The following COL22A1 variants were observed in gnomAD, a reference collection of about 807,000 sequenced individuals.
COL22A1 encodes the protein collagen alpha-1(XXII) chain.
In COL22A1, 221 loss-of-function variants were observed where a neutral mutation model predicts 248.9. That is an observed-to-expected ratio of 0.89 (90% confidence interval 0.80 to 0.99). The LOEUF (loss-of-function observed/expected upper bound fraction) is 0.99, where lower values mean the gene tolerates loss of function less well. Ranked by LOEUF, COL22A1 falls within the 50% of genes least tolerant of loss-of-function variation. The pLI is 0.00. For synonymous variants in COL22A1, 891 were observed against 793.4 expected, an observed-to-expected ratio of 1.12 and a Z score of -2.07; for missense variants, 2,240 against 2,179.0, an observed-to-expected ratio of 1.03 and a Z score of -0.56.
chr8:138,727,920 T>C (rs1455072093), intron 23 of COL22A1, among the ~76,000 whole-genome samples: 1 of 152,050 alleles, frequency 6.6e-6, no homozygotes, highest in Non-Finnish European at 1.5e-5. Flanking sequence ...CCTTACTACC[T>C]CCACAGACTG....
intron 1 of COL22A1, among the ~76,000 whole-genome samples, chr8:138,906,711 G>A (rs891673144): frequency 1.3e-5 from 2 of 150,992 alleles, no homozygotes; most frequent in Non-Finnish European, 2.9e-5. Context: ...GGAGTGCAAC[G>A]GTGTGATCTC....
intron 39 of COL22A1, among the ~76,000 whole-genome samples, chr8:138,683,888 C>T (rs1159842565): frequency 1.3e-5 from 2 of 152,130 alleles, no homozygotes; most frequent in Non-Finnish European, 2.9e-5. Flanking sequence ...TGTCTCCCAC[C>T]ACTTCATTTA....
intron 1 of COL22A1, among the ~76,000 whole-genome samples, chr8:138,885,568 A>G (rs34230351): frequency 0.13 from 19,075 of 151,620 alleles, 1,466 homozygotes; most frequent in African/African-American, 0.2. Flanking sequence ...CGTATCACAC[A>G]GTTTTTTTTG....
intron 9 of COL22A1, among the ~76,000 whole-genome samples, chr8:138,811,558 TGGGAAGCCTG>T (rs1818227644): frequency 6.6e-6 from 1 of 152,038 alleles, no homozygotes; most frequent in African/African-American, 2.4e-5. Flanking sequence ...AGGAGTAACC[TGGGAAGCCTG>T]GGGAACGCAC....
At position 138,720,738 on chromosome 8, in the gene COL22A1, C is replaced by A. The variant is rs754973282; in HGVS notation, c.2355+1G>T. The A allele has an allele frequency of 1.9e-6, 3 of 1,613,290 alleles. No individual in the cohort carries two copies. The highest frequency in any genetic ancestry group is 2.5e-6 in the Non-Finnish European group (3 of 1,179,254). Reference sequence around the variant, plus strand: ...ATGGGAAAAAGAGGCAAAGTCCATACCCGAAGGCCTGGTTTTCCAGGCAGA... The same window carrying A: ...ATGGGAAAAAGAGGCAAAGTCCATAACCGAAGGCCTGGTTTTCCAGGCAGA... On this transcript the variant is annotated splice_donor_variant, in intron 27 of 64. Transcript: ENST00000303045. LOFTEE classifies it high-confidence loss of function.
intron 12 of COL22A1, among the ~76,000 whole-genome samples, chr8:138,786,558 C>T (rs1371690896): frequency 6.6e-6 from 1 of 152,152 alleles, no homozygotes; most frequent in Non-Finnish European, 1.5e-5. Context: ...TTGTGATAGA[C>T]CTTCCAAAAT....
rs570238795 is a variant in COL22A1, at chr8:138,715,493, C to T, written c.2517+189G>A. Among the ~76,000 whole-genome samples the T allele has an allele frequency of 1.0e-3, 150 of 150,168 alleles. 1 individual carries two copies. The highest frequency in any genetic ancestry group is 1.5e-3 in the Non-Finnish European group (99 of 67,812). On this transcript the variant is annotated intron_variant, in intron 30 of 64. Coordinates refer to ENST00000303045, the MANE Select transcript of COL22A1 (RefSeq NM_152888.3). ...CTGAGGCACTAGAATGGCTTGAACC[C>T]AGGAGGCAGAGGTTGCAGTGAGACG...
intron 62 of COL22A1, among the ~76,000 whole-genome samples, chr8:138,595,129 G>A (rs912357103): frequency 2.0e-4 from 30 of 152,220 alleles, no homozygotes; most frequent in African/African-American, 5.8e-4. Flanking sequence ...GGCCCCCGGC[G>A]TTTGATAGGG....
At position 138,591,190 on chromosome 8, in the gene COL22A1, G is replaced by A. The variant is rs140270238; in HGVS notation, c.4693+234C>T. ...GACCATTTCATGAAATTTTAAACTC[G>A]CGGGATACACTTCAACAATTCATAG... On this transcript the variant is annotated intron_variant, in intron 64 of 64. Coordinates refer to ENST00000303045, the MANE Select transcript of COL22A1 (RefSeq NM_152888.3). Among the ~76,000 whole-genome samples the A allele has an allele frequency of 1.4e-3, 208 of 152,090 alleles. 1 individual carries two copies. Among genetic ancestry groups the A allele is most frequent in the African/African-American group, 4.4e-3 (184 of 41,472 alleles).
At position 138,703,505 on chromosome 8, in the gene COL22A1, T is replaced by G. The variant is rs531349116; in HGVS notation, c.2518-158A>C. 2.0e-3 allele frequency among the ~76,000 whole-genome samples: 307 copies of G among 152,316 alleles called. 1 individual carries two copies. The highest frequency in any genetic ancestry group is 7.2e-3 in the African/African-American group (298 of 41,578). On this transcript the variant is annotated intron_variant, in intron 30 of 64. Coordinates refer to ENST00000303045, the MANE Select transcript of COL22A1 (RefSeq NM_152888.3). ...CCCTGCACCTACCTTGATAGATACA[T>G]ACATACATAATTACATATGTACATT...
intron 18 of COL22A1, among the ~76,000 whole-genome samples, chr8:138,756,902 T>C (rs2131370258): frequency 6.6e-6 from 1 of 152,318 alleles, no homozygotes; most frequent in Middle Eastern, 3.4e-3. Context: ...TCCCGATCCA[T>C]CATGTTTTAT....
intron 18 of COL22A1, among the ~76,000 whole-genome samples, chr8:138,758,931 TAG>T (rs1833237786): frequency 6.6e-6 from 1 of 152,102 alleles, no homozygotes; most frequent in African/African-American, 2.4e-5. Context: ...CAGCAAGAAA[TAG>T]AGTCATCACC....
Position 138,802,940 on chromosome 8 carries a change from G to A in COL22A1, c.1495-6C>T, listed in dbSNP as rs753464313. ...CCAATGGCTCCTATGTCTCCCTGAG[G>A]GGTTGAGACCAGAGACAAGCATCAG... On this transcript the variant is annotated splice_region_variant and splice_polypyrimidine_tract_variant and intron_variant, in intron 10 of 64. Transcript: ENST00000303045. 1.2e-5 allele frequency: 19 copies of A among 1,612,156 alleles called. No homozygotes were observed. Among genetic ancestry groups the A allele is most frequent in the Middle Eastern group, 1.6e-4 (1 of 6,084 alleles).
At chr8:138,749,069 T>C (rs1276104521) in intron 22 of COL22A1, among the ~76,000 whole-genome samples, 1 of 152,206 alleles carries the variant, frequency 6.6e-6, no homozygotes, top group African/African-American at 2.4e-5. Flanking sequence ...CCTTGCCTGC[T>C]GCCATGTAAG....
At position 138,623,745 on chromosome 8, in the gene COL22A1, G is replaced by C; in HGVS notation, c.3758C>G (p.Pro1253Arg). The change falls in exon 52 of 65, where the codon CCC becomes CGC. Residue 1253 changes from proline (P) to arginine (R), a missense_variant. Transcript: ENST00000303045. ...GKEGRDGKPG[P>R]PGEPGKAGEP... ...AGAGTCCTTTACCGGCTCTCCAGGGGGACCCGGCTTTCCATCTCTGCCCTC... is the reference window on the plus strand; with the variant it reads ...AGAGTCCTTTACCGGCTCTCCAGGGCGACCCGGCTTTCCATCTCTGCCCTC... 6.2e-7 allele frequency: 1 copy of C among 1,611,968 alleles called. No homozygotes were observed. Among genetic ancestry groups the C allele is most frequent in the Admixed American group, 1.7e-5 (1 of 59,596 alleles).
intron 44 of COL22A1, among the ~76,000 whole-genome samples, chr8:138,656,241 C>A (rs756207223): frequency 6.6e-6 from 1 of 152,178 alleles, no homozygotes; most frequent in Non-Finnish European, 1.5e-5. Context: ...TCCCTCTTCC[C>A]CCCGACCACC....
In COL22A1 at chr8:138,604,721, G is replaced by T; in HGVS notation, c.4140+13C>A. 2 of 1,612,022 alleles carry T rather than the reference G, an allele frequency of 1.2e-6. No homozygotes were observed. The highest frequency in any genetic ancestry group is 1.1e-5 in the South Asian group (1 of 90,562). On this transcript the variant is annotated intron_variant, in intron 59 of 64. Transcript: ENST00000303045. The stretch of plus-strand genomic sequence containing the variant: ...AAGGGTTGCCAAGGGGTGAGTGGGC[G>T]TGTGATACTTGCCTCCTTGCCTGGG...
intron 41 of COL22A1, among the ~76,000 whole-genome samples, chr8:138,671,378 TAA>T (rs1204330792): frequency 6.6e-6 from 1 of 152,206 alleles, no homozygotes; most frequent in African/African-American, 2.4e-5. Flanking sequence ...CATGCAGCAT[TAA>T]GTCATAACTG....
intron 42 of COL22A1, among the ~76,000 whole-genome samples, chr8:138,662,927 G>A (rs4545145): frequency 0.76 from 114,514 of 151,496 alleles, 43,707 homozygotes; most frequent in Non-Finnish European, 0.82. Flanking sequence ...GAGGCAGGAG[G>A]ATTGCTTGAA....
Sources: gnomAD v4.1 joint callset for allele counts (sites outside exome capture counted in the v4.1 genomes callset) on GRCh38, gnomAD v4.1.1 for gene constraint, MANE v1.5 for transcripts, NCBI Gene and HGNC (gene_info 2026-07-23, HGNC 2026-07-21) for gene names.